The following USP43 variants were observed in gnomAD, a reference collection of about 807,000 sequenced individuals.
The protein encoded by USP43 is ubiquitin carboxyl-terminal hydrolase 43.
USP43 carries 33 observed loss-of-function variants against 90.7 expected under a neutral mutation model. That is an observed-to-expected ratio of 0.36 (90% CI 0.28 to 0.49). The LOEUF (loss-of-function observed/expected upper bound fraction) is 0.49. USP43 is among the 20% of genes least tolerant of loss of function. The probability of loss-of-function intolerance (pLI) is 0.98; values close to 1 mark genes in which losing one functional copy is unlikely to be tolerated. For missense variants in USP43, 1,274 were observed against 1,476.4 expected (o/e 0.86, Z 2.25); for synonymous variants, 598 against 615.8 (o/e 0.97, Z 0.43).
intron 1 of USP43, among the ~76,000 whole-genome samples, chr17:9,649,957 T>C (rs1028460189): frequency 6.6e-6 from 1 of 152,166 alleles, no homozygotes; most frequent in African/African-American, 2.4e-5. Flanking sequence ...ATTAAAAATT[T>C]TAGCCATCTG....
At position 9,701,355 on chromosome 17, in the gene USP43, G is replaced by T; in HGVS notation, c.1666G>T (p.Ala556Ser). 6.3e-7 allele frequency: 1 copy of T among 1,594,790 alleles called. No individual in the cohort carries two copies. The highest frequency in any genetic ancestry group is 8.5e-7 in the Non-Finnish European group (1 of 1,170,708). The change falls in exon 12 of 15, where the codon GCC becomes TCC. Residue 556 changes from alanine to serine, a missense_variant. This residue lies in a region of USP43 where 253 missense variants were observed against 276.0 expected (regional missense o/e 0.92). Transcript: ENST00000285199. The surrounding 1 kb of genome is among the most constrained non-coding windows in gnomAD (Gnocchi z 7.2). Reference protein sequence around the residue: ...FQFYTKEEQLAQDDAWKCPHC... With the variant: ...FQFYTKEEQLSQDDAWKCPHC... ...GTCCGGGTGGTTTGCTTTCCAGCTG[G>T]CCCAGGATGACGCCTGGAAGTGTCC...
chr17:9,682,967 C>G lies in USP43; in HGVS notation c.1241+9C>G. On this transcript the variant is annotated intron_variant, in intron 7 of 14. Coordinates refer to ENST00000285199, the MANE Select transcript of USP43 (RefSeq NM_153210.5). ...GGGCAGCAGGCTAGCAGGTATGTTT[C>G]ACTTTATTCTTTTTTCATGTGGTGT... 1 of 1,611,174 alleles carries G rather than the reference C, an allele frequency of 6.2e-7. No homozygotes were observed. The highest frequency in any genetic ancestry group is 8.5e-7 in the Non-Finnish European group (1 of 1,177,942).
chr17:9,706,631 ATTTTTTTTTT>A lies in USP43; in HGVS notation c.2012-3304_2012-3295del, dbSNP rs34165346. ...ATGCCATCTGCCCTATCAGATATTA[ATTTTTTTTTT>A]TTTTTTTTTTTTTTTTTTTTGAGAC... is the stretch of plus-strand genomic sequence containing the variant. On this transcript the variant is annotated intron_variant, in intron 12 of 14. Transcript: ENST00000285199. 4.1e-3 allele frequency among the ~76,000 whole-genome samples: 349 copies of A among 84,486 alleles called. 2 individuals carry two copies. Among genetic ancestry groups the A allele is most frequent in the African/African-American group, 0.016 (327 of 20,174 alleles). 55.4% of individuals were successfully genotyped at this position (84,486 alleles called of 152,430 possible).
rs146170294 is a variant in USP43 at position 9,658,994 on chromosome 17, T to A, written c.636+2460T>A. 4.0e-3 allele frequency among the ~76,000 whole-genome samples: 612 copies of A among 152,278 alleles called. 2 individuals are homozygous for A. The highest frequency in any genetic ancestry group is 0.014 in the African/African-American group (565 of 41,536). On this transcript the variant is annotated intron_variant, in intron 2 of 14. Transcript: ENST00000285199. Reference sequence around the variant, plus strand: ...TGGTTCACATGTCCATTCCTGGGCATGTGGCCAGAAGAATGGAATATTCTA... The same window carrying A: ...TGGTTCACATGTCCATTCCTGGGCAAGTGGCCAGAAGAATGGAATATTCTA...
intron 7 of USP43, among the ~76,000 whole-genome samples, chr17:9,685,347 C>A (rs1035528262): frequency 1.3e-5 from 2 of 152,220 alleles, no homozygotes; most frequent in Non-Finnish European, 2.9e-5. Context: ...ATTCTGTACA[C>A]CATGAGCTCA....
intron 14 of USP43, among the ~76,000 whole-genome samples, chr17:9,720,584 G>C (rs913845496): frequency 4.0e-5 from 6 of 151,780 alleles, no homozygotes; most frequent in African/African-American, 1.5e-4. Flanking sequence ...TGCCTCCCAG[G>C]TTCAAGCAAT....
At chr17:9,699,684 G>A (rs1915462074) in intron 9 of USP43, among the ~76,000 whole-genome samples, 1 of 152,216 alleles carries the variant, frequency 6.6e-6, no homozygotes, top group Non-Finnish European at 1.5e-5. Context: ...GCTACAGGTT[G>A]ACAGGCACTG....
chr17:9,691,318 A>G (rs1914943069), intron 8 of USP43, among the ~76,000 whole-genome samples: 1 of 151,006 alleles, frequency 6.6e-6, no homozygotes, highest in Non-Finnish European at 1.5e-5. Flanking sequence ...TAGCTTCTCC[A>G]TGTTGGTCAG....
At chr17:9,667,641 T>A (rs1567652993) in intron 3 of USP43, among the ~76,000 whole-genome samples, 1 of 151,988 alleles carries the variant, frequency 6.6e-6, no homozygotes, top group Non-Finnish European at 1.5e-5. Context: ...TGAATAGAAG[T>A]ACGAATGGGT....
rs1030073261 is a variant in USP43, at chr17:9,684,534, C to T, written c.1241+1576C>T. The stretch of plus-strand genomic sequence containing the variant: ...ATCCCAGCACTTTGAGAGGCTGAGG[C>T]GGGCGGATCACCTGAGGTCAGGAGT... On this transcript the variant is annotated intron_variant, in intron 7 of 14. Coordinates refer to ENST00000285199, the MANE Select transcript of USP43 (RefSeq NM_153210.5). Among the ~76,000 whole-genome samples the T allele has an allele frequency of 1.6e-4, 25 of 152,096 alleles. No individual in the cohort carries two copies. In the East Asian group the frequency reaches 2.3e-3, roughly 14 times the overall value.
chr17:9,655,923 A>T (rs1417384747), intron 1 of USP43, among the ~76,000 whole-genome samples: 1 of 152,230 alleles, frequency 6.6e-6, no homozygotes, highest in Non-Finnish European at 1.5e-5. Flanking sequence ...GAAAGAAGAA[A>T]GAGTTGAAGC....
At chr17:9,710,929 A>C (rs1916157047) in intron 13 of USP43, among the ~76,000 whole-genome samples, 1 of 71,230 alleles carries the variant, frequency 1.4e-5, no homozygotes, top group East Asian at 4.0e-4. Context: ...GAGAGCATTA[A>C]AAAAAAAAAT....
At position 9,694,041 on chromosome 17, in the gene USP43, T is replaced by C. The variant is rs1156426183; in HGVS notation, c.1457+811T>C. ...GGTAGCTACCTTGATAGCCTTCTGG[T>C]GCGTGTGCCCTTGCAAAGCAATCCC... On this transcript the variant is annotated intron_variant, in intron 9 of 14. Coordinates refer to ENST00000285199, the MANE Select transcript of USP43 (RefSeq NM_153210.5). Among the ~76,000 whole-genome samples, 6 of 152,276 alleles carry C rather than the reference T, an allele frequency of 3.9e-5. No homozygotes were observed. The East Asian group carries it at 5.8e-4, about 15-fold the overall frequency.
chr17:9,724,837 T>A (rs1917172763), intron 14 of USP43, among the ~76,000 whole-genome samples: 1 of 152,172 alleles, frequency 6.6e-6, no homozygotes, highest in Non-Finnish European at 1.5e-5. Flanking sequence ...ATTAAATATT[T>A]TTTGAAGGAG....
intron 8 of USP43, among the ~76,000 whole-genome samples, chr17:9,690,697 C>A (rs147422219): frequency 0.022 from 3,399 of 152,202 alleles, 69 homozygotes; most frequent in Middle Eastern, 0.068. Context: ...CCAACCTGGC[C>A]AACATGGTGA....
At chr17:9,727,835 C>G in intron 14 of USP43, 119 bp from the exon 15 acceptor site, 1 of 1,145,148 alleles carries the variant, frequency 8.7e-7, no homozygotes, top group Non-Finnish European at 1.2e-6. Context: ...TTCTTCACTG[C>G]TGTGTCTCCA....
intron 12 of USP43, among the ~76,000 whole-genome samples, chr17:9,703,881 G>T (rs955751000): frequency 5.3e-5 from 8 of 152,334 alleles, no homozygotes; most frequent in Admixed American, 5.2e-4. Context: ...TTGTAGATGA[G>T]TGTCAACTCC....
rs757797402 is a variant in USP43, at chr17:9,728,800, G to A, written c.3182G>A (p.Arg1061Lys). Residue 1061 changes from arginine (R) to lysine (K), a missense_variant, in exon 15 of 15, where the codon AGG becomes AAG. This residue lies in a region of USP43 where 353 missense variants were observed against 329.7 expected (regional missense o/e 1.07). Coordinates refer to ENST00000285199, the MANE Select transcript of USP43 (RefSeq NM_153210.5). The surrounding 1 kb of genome is among the most constrained non-coding windows in gnomAD (Gnocchi z 6.2). ...AGGGGCCTGGGCAGCCGGCTCGAGA[G>A]GGATGTCTGGTCAGCCCCCAGCTCT... ...LARGLGSRLERDVWSAPSSLR... is the reference protein window; with the variant it reads ...LARGLGSRLEKDVWSAPSSLR... 6.2e-7 allele frequency: 1 copy of A among 1,612,084 alleles called. No homozygotes were observed. Among genetic ancestry groups the A allele is most frequent in the Non-Finnish European group, 8.5e-7 (1 of 1,178,992 alleles).
intron 12 of USP43, among the ~76,000 whole-genome samples, chr17:9,705,959 C>G (rs1836288399): frequency 6.6e-6 from 1 of 152,190 alleles, no homozygotes; most frequent in South Asian, 2.1e-4. Context: ...AGTTTGCACT[C>G]TGTTAAGAGC....
Sources: gnomAD v4.1 joint callset for allele counts (sites outside exome capture counted in the v4.1 genomes callset) on GRCh38, gnomAD v4.1.1 for gene constraint, gnomAD v4.1.1 regional missense constraint, Gnocchi (gnomAD v3.1) non-coding constraint, MANE v1.5 for transcripts, NCBI Gene and HGNC (gene_info 2026-07-23, HGNC 2026-07-21) for gene names.